Variants in PI4K2A observed in about 807,000 individuals in gnomAD.
PI4K2A encodes the protein phosphatidylinositol 4-kinase type 2-alpha.
A neutral mutation model predicts 55.0 loss-of-function variants in PI4K2A; 20 were observed. That is an observed-to-expected ratio of 0.36 (90% CI 0.26 to 0.53). PI4K2A has a LOEUF of 0.53. PI4K2A is among the 20% of genes least tolerant of loss of function. PI4K2A has a pLI of 0.91. For synonymous variants in PI4K2A, 235 were observed against 258.5 expected (o/e 0.91, Z 0.87); for missense variants, 463 against 637.1 (o/e 0.73, Z 2.94).
rs755375202 is a variant in PI4K2A, at chr10:97,666,468, C to T, written c.1115C>T (p.Ala372Val). The T allele has an allele frequency of 3.7e-6, 6 of 1,613,362 alleles. No individual in the cohort carries two copies. In the Admixed American group the frequency reaches 5.0e-5, roughly 13 times the overall value. Residue 372 changes from alanine (A) to valine (V), a missense_variant, in exon 7 of 9, where the codon GCG becomes GTG. Transcript: ENST00000370631. ...TTTTACTGGGCCTGGTTGCCCCAGG[C>T]GAAAGTCCCATTTTCTCAGGAGATC... is the stretch of plus-strand genomic sequence containing the variant.
intron 8 of PI4K2A, among the ~76,000 whole-genome samples, chr10:97,671,314 C>G (rs979728678): frequency 1.3e-5 from 2 of 151,636 alleles, no homozygotes; most frequent in African/African-American, 4.8e-5. Context: ...GGACTGGACT[C>G]AGTGGCTCAT....
At position 97,673,392 on chromosome 10, in the gene PI4K2A, T is replaced by G. The variant is rs1268654211; in HGVS notation, c.1279-189T>G. 3.9e-5 allele frequency among the ~76,000 whole-genome samples: 6 copies of G among 152,264 alleles called. No homozygotes were observed. In the East Asian group the frequency reaches 7.7e-4, roughly 20 times the overall value. On this transcript the variant is annotated intron_variant, in intron 8 of 8. Coordinates refer to ENST00000370631, the Ensembl canonical transcript of PI4K2A. ...AAGGATTTGTTTTCATTTGTATTTT[T>G]TAAATGATTAGAGAGGTTTCCATTT...
chr10:97,650,081 G>T lies in PI4K2A; in HGVS notation c.436-860G>T, dbSNP rs115231675. 6.3e-3 allele frequency among the ~76,000 whole-genome samples: 960 copies of T among 152,088 alleles called. 9 individuals carry two copies. Among genetic ancestry groups the T allele is most frequent in the African/African-American group, 0.018 (742 of 41,486 alleles). ...CAGAAAGATCCCGTAGGATAAATAG[G>T]GCAGGGGTGCATGCAAAAAAAGAGA... On this transcript the variant is annotated intron_variant, in intron 1 of 8. Coordinates refer to ENST00000370631, the Ensembl canonical transcript of PI4K2A.
At chr10:97,653,213 T>A (rs2041537659) in intron 2 of PI4K2A, among the ~76,000 whole-genome samples, 3 of 152,282 alleles carry the variant, frequency 2.0e-5, no homozygotes, top group Non-Finnish European at 4.4e-5. Flanking sequence ...TGTCTGGCTC[T>A]ATGCCTACCT....
chr10:97,658,268 T>G (rs1309105919), intron 4 of PI4K2A, among the ~76,000 whole-genome samples: 1 of 152,386 alleles, frequency 6.6e-6, no homozygotes, highest in East Asian at 1.9e-4. Flanking sequence ...AAGTACCTCA[T>G]GTAAGTGGAA....
chr10:97,642,872 T>C (rs1357907107), intron 1 of PI4K2A, among the ~76,000 whole-genome samples: 1,327 of 124,512 alleles, frequency 0.011, 52 homozygotes, highest in Non-Finnish European at 0.014. Context: ...TCTTTTTCTT[T>C]CTTTCTTTCT....
At chr10:97,660,719 C>T (rs1230610551) in intron 4 of PI4K2A, among the ~76,000 whole-genome samples, 1 of 150,996 alleles carries the variant, frequency 6.6e-6, no homozygotes, top group Non-Finnish European at 1.5e-5. Flanking sequence ...TTTTTATCCT[C>T]TCAGTTTATA....
chr10:97,663,244 A>G lies in PI4K2A; in HGVS notation c.984+276A>G, dbSNP rs557670433. 1.5e-4 allele frequency among the ~76,000 whole-genome samples: 23 copies of G among 152,350 alleles called. 1 individual carries two copies. The South Asian group carries it at 4.8e-3, about 32-fold the overall frequency. ...TTTGAGCTTCTTATTGCACAGTAGC[A>G]TAGTAAAGGTCTGAGAAGTACTACG... is the stretch of plus-strand genomic sequence containing the variant. On this transcript the variant is annotated intron_variant, in intron 5 of 8. Transcript: ENST00000370631.
At chr10:97,673,412 C>T (rs1033632413) in intron 8 of PI4K2A, among the ~76,000 whole-genome samples, 169 bp from the exon 9 acceptor site, 5 of 152,128 alleles carry the variant, frequency 3.3e-5, no homozygotes, top group African/African-American at 1.2e-4. Context: ...AGAGAGGTTT[C>T]CATTTTCTGT....
chr10:97,656,695 A>C lies in PI4K2A; in HGVS notation c.769-126A>C. On this transcript the variant is annotated intron_variant, in intron 3 of 8. Coordinates refer to ENST00000370631, the Ensembl canonical transcript of PI4K2A. The surrounding 1 kb of genome is among the most constrained non-coding windows in gnomAD (Gnocchi z 4.5). ...ACTTGCAAGAAATGAGGAAGTAAAG[A>C]TCTTGAAAAGTTTTCCTTCTCTGAT... The C allele has an allele frequency of 1.2e-6, 1 of 838,966 alleles. No individual in the cohort carries two copies. Among genetic ancestry groups the C allele is most frequent in the South Asian group, 1.7e-5 (1 of 59,854 alleles). The allele number at this position is 838,966 out of a possible 1,614,324, so 52.0% of individuals were successfully genotyped here. A position where few individuals can be genotyped will look rare whatever the true frequency, so the allele number is the denominator to read the frequency against.
chr10:97,669,981 A>G (rs2041627592), intron 8 of PI4K2A, among the ~76,000 whole-genome samples: 1 of 152,100 alleles, frequency 6.6e-6, no homozygotes, highest in Non-Finnish European at 1.5e-5. Context: ...ATTGTAGACC[A>G]CTGCAGCTTT....
chr10:97,660,169 T>G (rs1032920632), intron 4 of PI4K2A, among the ~76,000 whole-genome samples: 6 of 144,628 alleles, frequency 4.1e-5, no homozygotes, highest in African/African-American at 1.5e-4. Flanking sequence ...GCCCGGCTAA[T>G]TTTTTGTATT....
At chr10:97,652,065 TTTATTTAGTTATTTACTAAATAACTA>T (rs1413502758) in intron 2 of PI4K2A, among the ~76,000 whole-genome samples, 1 of 152,104 alleles carries the variant, frequency 6.6e-6, no homozygotes, top group Non-Finnish European at 1.5e-5. Flanking sequence ...TCTATGCTAG[TTTATTTAGTTATTTACTAAATAACTA>T]AAACTAAATT....
chr10:97,648,944 T>C (rs1458257128), intron 1 of PI4K2A, among the ~76,000 whole-genome samples: 1 of 152,224 alleles, frequency 6.6e-6, no homozygotes, highest in East Asian at 1.9e-4. Context: ...TTGATTCTTT[T>C]TGGAGGGAGA....
exon 7 of PI4K2A, chr10:97,666,563 C>T: frequency 6.2e-7 from 1 of 1,612,980 alleles, no homozygotes; most frequent in African/African-American, 1.3e-5. Flanking sequence ...CCTATATGAA[C>T]TCTTCAAGGT....
At chr10:97,674,656 A>AT (rs1318642936) in exon 9 of PI4K2A, 2 of 151,688 alleles carry the variant, frequency 1.3e-5, no homozygotes, top group Non-Finnish European at 2.9e-5. Flanking sequence ...CTCGTTTTAA[A>AT]TTTTTTCCCC....
In PI4K2A at chr10:97,650,926, C is replaced by A. The variant is rs367725219; in HGVS notation, c.436-15C>A. 3.8e-6 allele frequency: 6 copies of A among 1,590,986 alleles called. No individual in the cohort carries two copies. The African/African-American group carries it at 6.8e-5, about 18-fold the overall frequency. On this transcript the variant is annotated splice_polypyrimidine_tract_variant and intron_variant, in intron 1 of 8. Coordinates refer to ENST00000370631, the Ensembl canonical transcript of PI4K2A. ...AACTCGGATTTAACATCCTCTTTTT[C>A]TTTGGTCTCTGTAGAGGATCATTGC... is the stretch of plus-strand genomic sequence containing the variant.
At chr10:97,651,382 T>A (rs1401717753) in intron 2 of PI4K2A, among the ~76,000 whole-genome samples, 1 of 152,190 alleles carries the variant, frequency 6.6e-6, no homozygotes, top group Non-Finnish European at 1.5e-5. Flanking sequence ...TTCACAAACT[T>A]CTACTGCATG....
intron 2 of PI4K2A, among the ~76,000 whole-genome samples, chr10:97,652,322 G>A (rs1369735000): frequency 6.6e-6 from 1 of 152,172 alleles, no homozygotes; most frequent in Non-Finnish European, 1.5e-5. Context: ...TAGAGACAGG[G>A]TCTTGCTCTG....
Sources: gnomAD v4.1 joint callset for allele counts (sites outside exome capture counted in the v4.1 genomes callset) on GRCh38, gnomAD v4.1.1 for gene constraint, Gnocchi (gnomAD v3.1) non-coding constraint, MANE v1.5 for transcripts, NCBI Gene and HGNC (gene_info 2026-07-23, HGNC 2026-07-21) for gene names.